PCDH7: variants seen among roughly 807,000 people sequenced by gnomAD.
PCDH7 encodes the protein protocadherin 7.
PCDH7 carries 17 observed loss-of-function variants against 58.9 expected under a neutral mutation model. The ratio of observed to expected loss-of-function variants is 0.29; its 90% CI spans 0.20 to 0.43. The LOEUF is 0.43. PCDH7 is among the 20% of genes least tolerant of loss of function. PCDH7 has a pLI of 1.00. For missense variants in PCDH7, 1,274 were observed against 1,441.0 expected, an observed-to-expected ratio of 0.88 and a Z score of 1.88; for synonymous variants, 664 against 616.4, an observed-to-expected ratio of 1.08 and a Z score of -1.14.
intron 3 of PCDH7, among the ~76,000 whole-genome samples, chr4:31,067,483 A>C (rs1499473): frequency 0.62 from 94,404 of 151,542 alleles, 31,572 homozygotes; most frequent in African/African-American, 0.89. Flanking sequence ...CTGAAAAATG[A>C]GGATCGTGCC....
At chr4:31,047,942 C>A (rs1756418225) in intron 3 of PCDH7, among the ~76,000 whole-genome samples, 1 of 152,004 alleles carries the variant, frequency 6.6e-6, no homozygotes, top group Non-Finnish European at 1.5e-5. Context: ...TGTCCACATG[C>A]ATAGATGACT....
intron 3 of PCDH7, among the ~76,000 whole-genome samples, chr4:30,971,666 A>G (rs1417161362): frequency 6.6e-6 from 1 of 152,208 alleles, no homozygotes; most frequent in East Asian, 1.9e-4. Flanking sequence ...TAAGTGATAC[A>G]TTGTAGGTAA....
chr4:31,141,648 A>G (rs1254405275), intron 3 of PCDH7, among the ~76,000 whole-genome samples: 2 of 152,248 alleles, frequency 1.3e-5, no homozygotes, highest in Admixed American at 6.5e-5. Flanking sequence ...TTTTAGAAGT[A>G]AAAGTCATTT....
chr4:31,129,040 T>A (rs1406073049), intron 3 of PCDH7, among the ~76,000 whole-genome samples: 3 of 152,182 alleles, frequency 2.0e-5, no homozygotes, highest in African/African-American at 7.2e-5. Context: ...GTAGATATAA[T>A]CATCAGGGAT....
chr4:31,004,072 G>T (rs1752569957), intron 3 of PCDH7, among the ~76,000 whole-genome samples: 1 of 152,078 alleles, frequency 6.6e-6, no homozygotes. Context: ...AGCTTCCTTG[G>T]GGTCCTTAGA....
intron 3 of PCDH7, among the ~76,000 whole-genome samples, chr4:31,090,684 A>C (rs948101753): frequency 4.6e-5 from 7 of 152,096 alleles, no homozygotes; most frequent in African/African-American, 1.7e-4. Flanking sequence ...TTCTTCCTCT[A>C]TAACTCAACA....
At chr4:31,082,899 G>T (rs1711729276) in intron 3 of PCDH7, among the ~76,000 whole-genome samples, 2 of 152,102 alleles carry the variant, frequency 1.3e-5, no homozygotes, top group Admixed American at 1.3e-4. Flanking sequence ...ACGAGGTCAG[G>T]AGATCGAGAC....
chr4:30,834,835 A>C (rs1315866722), intron 1 of PCDH7, among the ~76,000 whole-genome samples: 2 of 151,966 alleles, frequency 1.3e-5, no homozygotes, highest in Non-Finnish European at 2.9e-5. Context: ...TGATAAAATG[A>C]CACAAAGCAA....
At chr4:30,754,047 A>G (rs995892364) in intron 1 of PCDH7, among the ~76,000 whole-genome samples, 1 of 152,172 alleles carries the variant, frequency 6.6e-6, no homozygotes, top group Non-Finnish European at 1.5e-5. Context: ...GAAACCCTAT[A>G]CACACGCTTC....
In PCDH7 at chr4:30,721,740, C is replaced by G. The variant is rs749291557; in HGVS notation, c.318C>G (p.Asn106Lys). The G allele has an allele frequency of 4.3e-5, 69 of 1,613,794 alleles. No homozygotes were observed. Among genetic ancestry groups the G allele is most frequent in the Non-Finnish European group, 5.6e-5 (66 of 1,180,018 alleles). Residue 106 changes from asparagine to lysine, a missense_variant, in exon 1 of 2, where the codon AAC (asparagine) becomes AAG (lysine). Physicochemically the swap from Asn to Lys is moderately conservative, Grantham distance 94. Transcript: ENST00000361762. The surrounding 1 kb of genome is among the most constrained non-coding windows in gnomAD (Gnocchi z 6.7). ...AGTGTCAGATGATCTTCGACGAGAA[C>G]GAGTGCTTCCTGGACTTCGAGGTGT...
At chr4:30,845,117 AT>A (rs1305168208) in intron 1 of PCDH7, among the ~76,000 whole-genome samples, 1 of 152,130 alleles carries the variant, frequency 6.6e-6, no homozygotes, top group African/African-American at 2.4e-5. Context: ...TGGAGCAGTA[AT>A]GGTGAATTAT....
chr4:30,749,535 T>C (rs1718230446), intron 1 of PCDH7, among the ~76,000 whole-genome samples: 1 of 152,172 alleles, frequency 6.6e-6, no homozygotes, highest in Non-Finnish European at 1.5e-5. Context: ...TGCCTGGTGG[T>C]CTTTTTTCTG....
At chr4:30,886,907 G>A (rs1467638568) in intron 1 of PCDH7, among the ~76,000 whole-genome samples, 3 of 145,614 alleles carry the variant, frequency 2.1e-5, no homozygotes, top group Admixed American at 6.9e-5. Flanking sequence ...CTCACTCATA[G>A]GTGGGAATTG....
chr4:30,882,614 TG>T (rs1560464686), intron 1 of PCDH7, among the ~76,000 whole-genome samples: 1 of 152,152 alleles, frequency 6.6e-6, no homozygotes. Context: ...TCGTACCAGT[TG>T]GTAAAATAAA....
intron 1 of PCDH7, among the ~76,000 whole-genome samples, chr4:30,881,885 T>C (rs1177529797): frequency 6.6e-6 from 1 of 152,168 alleles, no homozygotes; most frequent in Non-Finnish European, 1.5e-5. Flanking sequence ...AATTTAATTA[T>C]TTATTTTAGC....
intron 3 of PCDH7, among the ~76,000 whole-genome samples, chr4:31,083,525 A>C (rs907882142): frequency 6.6e-6 from 1 of 151,964 alleles, no homozygotes; most frequent in Non-Finnish European, 1.5e-5. Flanking sequence ...TTTTTGCCAT[A>C]CTCTTAAAAA....
intron 3 of PCDH7, among the ~76,000 whole-genome samples, chr4:31,045,836 T>C (rs1756242549): frequency 6.6e-6 from 1 of 151,996 alleles, no homozygotes; most frequent in African/African-American, 2.4e-5. Context: ...CGAAGCACAC[T>C]GATTCTGATA....
intron 3 of PCDH7, among the ~76,000 whole-genome samples, chr4:30,976,873 A>T (rs1750121150): frequency 6.6e-6 from 1 of 152,328 alleles, no homozygotes; most frequent in Middle Eastern, 3.4e-3. Context: ...TTAATAAGTA[A>T]AAATTGTTTT....
chr4:30,983,963 A>G (rs1173485987), intron 3 of PCDH7, among the ~76,000 whole-genome samples: 1 of 152,208 alleles, frequency 6.6e-6, no homozygotes, highest in Non-Finnish European at 1.5e-5. Flanking sequence ...CACAAAAAGC[A>G]TTCCACACTT....
Sources: allele counts gnomAD v4.1 joint callset (sites outside exome capture counted in the v4.1 genomes callset), GRCh38; gene constraint gnomAD v4.1.1; non-coding constraint Gnocchi (gnomAD v3.1); transcripts MANE v1.5; gene names NCBI Gene and HGNC (gene_info 2026-07-23, HGNC 2026-07-21).